Variants in MYO5B observed in about 807,000 individuals in gnomAD.
The protein encoded by MYO5B is unconventional myosin-Vb.
MYO5B carries 143 observed loss-of-function variants against 229.3 expected under a neutral mutation model. That is an observed-to-expected ratio of 0.62 (90% confidence interval 0.54 to 0.72). The LOEUF is 0.72. MYO5B is among the 30% of genes least tolerant of loss of function. MYO5B has a pLI of 0.00. For synonymous variants in MYO5B, 918 were observed against 885.2 expected (o/e 1.04, Z -0.66); for missense variants, 2,321 against 2,331.0 (o/e 1.00, Z 0.09).
chr18:50,122,428 C>A (rs779167126), intron 1 of MYO5B, among the ~76,000 whole-genome samples: 1 of 67,068 alleles, frequency 1.5e-5, no homozygotes, highest in Non-Finnish European at 2.8e-5. Context: ...ATGGTGAAAC[C>A]CTGTCTCAAC....
At chr18:50,049,645 G>A (rs900313457) in intron 2 of MYO5B, among the ~76,000 whole-genome samples, 2 of 152,090 alleles carry the variant, frequency 1.3e-5, no homozygotes, top group African/African-American at 2.4e-5. Context: ...TGTGCATTAC[G>A]GAGCACTGAG....
intron 1 of MYO5B, among the ~76,000 whole-genome samples, chr18:50,137,286 C>T (rs537947046): frequency 3.4e-4 from 52 of 152,340 alleles, no homozygotes; most frequent in African/African-American, 1.2e-3. Context: ...TTTGAACAAA[C>T]GTTATTTCAG....
intron 14 of MYO5B, among the ~76,000 whole-genome samples, chr18:49,950,248 G>A (rs550280054): frequency 6.6e-6 from 1 of 152,164 alleles, no homozygotes; most frequent in Non-Finnish European, 1.5e-5. Context: ...GTGGCAAAAA[G>A]GTCACTGGCT....
At chr18:49,911,193 A>C (rs922290949) in intron 18 of MYO5B, among the ~76,000 whole-genome samples, 3 of 152,242 alleles carry the variant, frequency 2.0e-5, no homozygotes, top group Non-Finnish European at 4.4e-5. Context: ...CAGGTGTACC[A>C]GATGGGCCGT....
At chr18:49,906,344 C>T in intron 19 of MYO5B, 75 bp downstream of exon 19, 1 of 1,444,856 alleles carries the variant, frequency 6.9e-7, no homozygotes, top group East Asian at 2.3e-5. Context: ...AGAGAGAAGC[C>T]AAGTAGCTGA....
intron 4 of MYO5B, 103 bp downstream of exon 4, chr18:50,036,747 A>G: frequency 1.4e-6 from 2 of 1,392,882 alleles, no homozygotes; most frequent in East Asian, 2.3e-5. Context: ...CTCAGTCCCA[A>G]TCTCACCACC....
At chr18:49,961,884 C>T (rs16951323) in intron 12 of MYO5B, among the ~76,000 whole-genome samples, 14,244 of 152,234 alleles carry the variant, frequency 0.094, 731 homozygotes, top group African/African-American at 0.12. Flanking sequence ...CACTCACAAG[C>T]CATCTGACGT....
At chr18:50,142,451 C>A (rs2032432253) in intron 1 of MYO5B, among the ~76,000 whole-genome samples, 1 of 152,212 alleles carries the variant, frequency 6.6e-6, no homozygotes, top group Non-Finnish European at 1.5e-5. Flanking sequence ...CAAACAACTA[C>A]TGCATCCACT....
intron 17 of MYO5B, among the ~76,000 whole-genome samples, chr18:49,912,391 A>G (rs1475520258): frequency 2.6e-5 from 4 of 152,174 alleles, no homozygotes; most frequent in African/African-American, 4.8e-5. Flanking sequence ...GGAGGGCTGG[A>G]AAAAAGGTGA....
At chr18:49,970,501 T>C (rs2025679235) in intron 10 of MYO5B, among the ~76,000 whole-genome samples, 1 of 152,184 alleles carries the variant, frequency 6.6e-6, no homozygotes, top group Admixed American at 6.5e-5. Flanking sequence ...CTCTACAAGC[T>C]AACTATGAGT....
chr18:50,117,516 C>T (rs1321485224), intron 1 of MYO5B, among the ~76,000 whole-genome samples: 1 of 152,116 alleles, frequency 6.6e-6, no homozygotes, highest in Admixed American at 6.5e-5. Flanking sequence ...TCATCGCCCC[C>T]TTTCTCCCTG....
chr18:49,842,813 C>G (rs956483308), intron 34 of MYO5B, among the ~76,000 whole-genome samples: 1 of 152,198 alleles, frequency 6.6e-6, no homozygotes, highest in South Asian at 2.1e-4. Context: ...TGTGTTACCC[C>G]CCAGGGAAGC....
At chr18:50,065,052 T>G (rs1239299135) in intron 1 of MYO5B, among the ~76,000 whole-genome samples, 1 of 152,170 alleles carries the variant, frequency 6.6e-6, no homozygotes, top group Non-Finnish European at 1.5e-5. Context: ...CCTCACATAC[T>G]TGCATCTGGG....
intron 1 of MYO5B, among the ~76,000 whole-genome samples, chr18:50,083,065 T>C (rs1568099779): frequency 6.6e-6 from 1 of 152,206 alleles, no homozygotes; most frequent in Non-Finnish European, 1.5e-5. Flanking sequence ...GGCTCAGTAA[T>C]TTACCAGAAC....
chr18:49,836,672 T>C (rs1013034500), intron 38 of MYO5B, 39 bp downstream of exon 38: 1 of 1,612,566 alleles, frequency 6.2e-7, no homozygotes, highest in Non-Finnish European at 8.5e-7. Context: ...CAGGGCTTCC[T>C]TGGAATACCA....
chr18:50,028,068 G>C (rs1456082906), intron 4 of MYO5B, among the ~76,000 whole-genome samples: 1 of 152,152 alleles, frequency 6.6e-6, no homozygotes, highest in Non-Finnish European at 1.5e-5. Context: ...CAGGATTAAG[G>C]AAATGTTTGC....
intron 19 of MYO5B, among the ~76,000 whole-genome samples, chr18:49,905,996 G>A (rs1002247169): frequency 1.3e-5 from 2 of 152,196 alleles, no homozygotes; most frequent in African/African-American, 4.8e-5. Context: ...CAGGACCTTT[G>A]CAGCCCTAAT....
intron 7 of MYO5B, among the ~76,000 whole-genome samples, chr18:49,987,992 A>C (rs371242142): frequency 6.6e-6 from 1 of 152,340 alleles, no homozygotes; most frequent in South Asian, 2.1e-4. Context: ...ACTTTAAAAA[A>C]AAAATCTCCT....
intron 1 of MYO5B, among the ~76,000 whole-genome samples, chr18:50,101,272 A>T (rs1003570741): frequency 2.0e-5 from 3 of 152,202 alleles, no homozygotes; most frequent in Non-Finnish European, 4.4e-5. Flanking sequence ...AATTTTGTCA[A>T]CTGTACCTTG....
Sources: allele counts gnomAD v4.1 joint callset (sites outside exome capture counted in the v4.1 genomes callset), GRCh38; gene constraint gnomAD v4.1.1; transcripts MANE v1.5; gene names NCBI Gene and HGNC (gene_info 2026-07-23, HGNC 2026-07-21).